MGST1: variants seen among roughly 807,000 people sequenced by gnomAD.
The protein encoded by MGST1 is glutathione S-transferase 12.
MGST1 carries 5 observed loss-of-function variants against 8.9 expected under a neutral mutation model. The observed-to-expected ratio is 0.56, with a 90% CI of 0.29 to 1.19. The LOEUF is 1.19. Among genes scored for constraint, MGST1 ranks in the 50% most tolerant of loss-of-function variants. The pLI is 0.08. For synonymous variants in MGST1, 54 were observed against 67.8 expected, an observed-to-expected ratio of 0.80 and a Z score of 1.00; for missense variants, 182 against 187.4, an observed-to-expected ratio of 0.97 and a Z score of 0.17.
At chr12:16,352,623 T>G (rs938521668) in intron 1 of MGST1, among the ~76,000 whole-genome samples, 1 of 152,194 alleles carries the variant, frequency 6.6e-6, no homozygotes, top group Non-Finnish European at 1.5e-5. Flanking sequence ...TGTTTTGACT[T>G]CAGTATCACC....
chr12:16,532,423 A>G (rs775176178), intron 4 of MGST1, among the ~76,000 whole-genome samples: 2 of 152,176 alleles, frequency 1.3e-5, no homozygotes, highest in African/African-American at 2.4e-5. Context: ...AAAACTTCAG[A>G]TTGGACTAAG....
At chr12:16,455,564 C>T (rs1209024511) in intron 4 of MGST1, among the ~76,000 whole-genome samples, 1 of 151,650 alleles carries the variant, frequency 6.6e-6, no homozygotes, top group South Asian at 2.1e-4. Context: ...GGGGAGTCTT[C>T]AGAGGATAAA....
At position 16,584,150 on chromosome 12, in the gene MGST1, C is replaced by T. The variant is rs1943247326; in HGVS notation, n.483-5378C>T. On this transcript the variant is annotated intron_variant and non_coding_transcript_variant, in intron 4 of 4. Transcript: ENST00000538857. The surrounding 1 kb of genome is among the most constrained non-coding windows in gnomAD (Gnocchi z 5.2). ...TAGAATTGTGGTAAGAGGGAAATGA[C>T]AGCAGTGAGTAGGGGTAAAAGGTAG... is the stretch of plus-strand genomic sequence containing the variant. Among the ~76,000 whole-genome samples the T allele has an allele frequency of 6.6e-6, 1 of 152,076 alleles. No homozygotes were observed. The highest frequency in any genetic ancestry group is 2.1e-4 in the South Asian group (1 of 4,822).
chr12:16,430,461 A>C (rs1162780089), intron 1 of MGST1, among the ~76,000 whole-genome samples: 1 of 152,216 alleles, frequency 6.6e-6, no homozygotes, highest in Non-Finnish European at 1.5e-5. Flanking sequence ...CTTCTTTAAT[A>C]ATAAGACTGA....
chr12:16,430,223 G>T (rs757707821), intron 1 of MGST1, among the ~76,000 whole-genome samples: 3 of 152,056 alleles, frequency 2.0e-5, no homozygotes, highest in African/African-American at 7.2e-5. Context: ...CAAATCTGTC[G>T]TTGCCTCCTC....
chr12:16,411,118 T>G (rs1345467720), intron 1 of MGST1, among the ~76,000 whole-genome samples: 1 of 152,198 alleles, frequency 6.6e-6, no homozygotes, highest in African/African-American at 2.4e-5. Flanking sequence ...CCTCAAGGTA[T>G]TACTTGCTTT....
chr12:16,409,265 T>G (rs185499203), intron 1 of MGST1, among the ~76,000 whole-genome samples: 1 of 152,202 alleles, frequency 6.6e-6, no homozygotes, highest in African/African-American at 2.4e-5. Context: ...ATGTGTAATG[T>G]GTGTATGTGT....
In MGST1 at chr12:16,500,119, A is replaced by G. The variant is rs908519936; in HGVS notation, n.483-89409A>G. 3.3e-5 allele frequency among the ~76,000 whole-genome samples: 5 copies of G among 152,190 alleles called. No individual in the cohort carries two copies. The highest frequency in any genetic ancestry group is 7.4e-5 in the Non-Finnish European group (5 of 68,026). ...CAATTAATTATTTCTTAAAGATTATACTGTTGCCAGAGAAGTTTTCTTTTT... is the reference window on the plus strand; with the variant it reads ...CAATTAATTATTTCTTAAAGATTATGCTGTTGCCAGAGAAGTTTTCTTTTT... On this transcript the variant is annotated intron_variant and non_coding_transcript_variant, in intron 4 of 4. Transcript: ENST00000538857. The surrounding 1 kb of genome is among the most constrained non-coding windows in gnomAD (Gnocchi z 4.3).
At chr12:16,590,512 A>AC (rs1369541553), downstream of MGST1, among the ~76,000 whole-genome samples, 1 of 151,910 alleles carries the variant, frequency 6.6e-6, no homozygotes, top group Non-Finnish European at 1.5e-5. Flanking sequence ...CAAGAATATC[A>AC]CCCCTCAGAC....
intron 4 of MGST1, among the ~76,000 whole-genome samples, chr12:16,573,078 A>T (rs1303199015): frequency 6.6e-6 from 1 of 152,094 alleles, no homozygotes; most frequent in East Asian, 1.9e-4. Context: ...GAAAGAAAAA[A>T]TACCTTTTTT....
chr12:16,437,141 G>A (rs2137099266), intron 1 of MGST1, among the ~76,000 whole-genome samples: 1 of 151,982 alleles, frequency 6.6e-6, no homozygotes, highest in South Asian at 2.1e-4. Flanking sequence ...TTAGTCCTGG[G>A]AATGTTAGTA....
chr12:16,507,282 G>A (rs1032047504), intron 4 of MGST1, among the ~76,000 whole-genome samples: 1 of 152,172 alleles, frequency 6.6e-6, no homozygotes, highest in Non-Finnish European at 1.5e-5. Context: ...AGGGCAGTGT[G>A]TATGTGGTGG....
intron 1 of MGST1, among the ~76,000 whole-genome samples, chr12:16,406,463 A>G (rs190828858): frequency 6.6e-6 from 1 of 152,378 alleles, no homozygotes; most frequent in East Asian, 1.9e-4. Context: ...GGAAGAATCA[A>G]TATCATTAAA....
intron 4 of MGST1, among the ~76,000 whole-genome samples, chr12:16,461,201 A>G (rs910375084): frequency 3.1e-4 from 46 of 150,710 alleles, no homozygotes; most frequent in African/African-American, 1.1e-3. Context: ...AAAGCACATC[A>G]TAACATCACT....
rs769424514 is a variant in MGST1, at chr12:16,584,990, G to T, written n.483-4538G>T. Among the ~76,000 whole-genome samples, 13 of 152,174 alleles carry T rather than the reference G, an allele frequency of 8.5e-5. No homozygotes were observed. Among genetic ancestry groups the T allele is most frequent in the Non-Finnish European group, 1.5e-4 (10 of 68,010 alleles). ...AAAAGTTACATACTAGTAGCTGTGT[G>T]CCACATTAGAGTTAGTTGCCAATGT... On this transcript the variant is annotated intron_variant and non_coding_transcript_variant, in intron 4 of 4. Transcript: ENST00000538857. This position sits in a 1 kb window ranked among gnomAD's most constrained non-coding sequence, Gnocchi z 5.2.
chr12:16,409,336 A>G lies in MGST1; in HGVS notation n.778+25732A>G, dbSNP rs142451677. 2.9e-3 allele frequency among the ~76,000 whole-genome samples: 440 copies of G among 152,110 alleles called. 3 individuals are homozygous for G. Among genetic ancestry groups the G allele is most frequent in the African/African-American group, 0.01 (415 of 41,498 alleles). On this transcript the variant is annotated intron_variant and non_coding_transcript_variant, in intron 1 of 1. Transcript: ENST00000359720. ...CACACATATCCACACACACACCTAT[A>G]TATATTCTGAAAGGAATCTCTGGAT...
At chr12:16,479,052 A>G (rs189972564) in intron 4 of MGST1, among the ~76,000 whole-genome samples, 6 of 152,144 alleles carry the variant, frequency 3.9e-5, no homozygotes, top group African/African-American at 1.2e-4. Context: ...ATGAAATCAT[A>G]CAGTACGTGA....
At chr12:16,514,454 C>G (rs10846374) in intron 4 of MGST1, 110,066 of 257,264 alleles carry the variant, frequency 0.43, 25,892 homozygotes, top group Middle Eastern at 0.53. Flanking sequence ...CTCAGCTGGT[C>G]TCTAACCTCA....
At chr12:16,423,232 C>T (rs187361104) in intron 1 of MGST1, among the ~76,000 whole-genome samples, 38 of 152,292 alleles carry the variant, frequency 2.5e-4, no homozygotes, top group African/African-American at 9.1e-4. Context: ...TGGGAGCATA[C>T]ATCTGATCCT....
Sources: gnomAD v4.1 joint callset for allele counts (sites outside exome capture counted in the v4.1 genomes callset) on GRCh38, gnomAD v4.1.1 for gene constraint, Gnocchi (gnomAD v3.1) non-coding constraint, MANE v1.5 for transcripts, NCBI Gene and HGNC (gene_info 2026-07-23, HGNC 2026-07-21) for gene names.